PDE6A: variants seen among roughly 807,000 people sequenced by gnomAD.
PDE6A encodes the protein phosphodiesterase 6A.
Under a neutral mutation model 106.3 loss-of-function variants are expected in PDE6A, and 84 were observed. The observed-to-expected ratio is 0.79, with a 90% CI of 0.66 to 0.95. The LOEUF (loss-of-function observed/expected upper bound fraction) is 0.95. Ranked by LOEUF, PDE6A falls within the 40% of genes least tolerant of loss-of-function variation. The pLI, the probability that PDE6A is intolerant of heterozygous loss-of-function variation, is 0.00. For missense variants in PDE6A, 1,052 were observed against 1,084.9 expected (o/e 0.97, Z 0.43); for synonymous variants, 394 against 386.6 (o/e 1.02, Z -0.23).
intron 4 of PDE6A, among the ~76,000 whole-genome samples, chr5:149,928,233 T>A (rs796243178): frequency 0.014 from 133 of 9,564 alleles, no homozygotes; most frequent in East Asian, 0.029. Flanking sequence ...ATATATATAT[T>A]TTTTTTTTTT....
chr5:149,899,834 G>C (rs1752901752), intron 8 of PDE6A, among the ~76,000 whole-genome samples: 1 of 152,222 alleles, frequency 6.6e-6, no homozygotes, highest in African/African-American at 2.4e-5. Flanking sequence ...TTCTCTTTCA[G>C]ATATGGGAGG....
intron 12 of PDE6A, 82 bp downstream of exon 12, chr5:149,896,274 G>C (rs1017442929): frequency 2.0e-5 from 24 of 1,171,668 alleles, no homozygotes; most frequent in Non-Finnish European, 2.9e-5. Flanking sequence ...TTTTAAGGTA[G>C]TTTACAGATT....
chr5:149,930,418 G>A (rs1753998323), intron 4 of PDE6A, among the ~76,000 whole-genome samples: 1 of 152,204 alleles, frequency 6.6e-6, no homozygotes, highest in African/African-American at 2.4e-5. Context: ...CTGAAACTCT[G>A]TTTCAAGGCA....
intron 13 of PDE6A, among the ~76,000 whole-genome samples, chr5:149,891,802 C>CA (rs1273407176): frequency 5.0e-4 from 68 of 136,778 alleles, no homozygotes; most frequent in Middle Eastern, 7.3e-3. Flanking sequence ...GACCCTATCT[C>CA]AAAAAAAAAA....
chr5:149,876,509 A>G (rs1437449124), intron 17 of PDE6A, among the ~76,000 whole-genome samples: 3 of 151,774 alleles, frequency 2.0e-5, no homozygotes, highest in Non-Finnish European at 4.4e-5. Context: ...TACCTGGATA[A>G]TTTAAATTTT....
chr5:149,944,419 C>T lies in PDE6A; in HGVS notation c.255G>A (p.Leu85=), dbSNP rs769815910. 6 of 1,613,998 alleles carry T rather than the reference C, an allele frequency of 3.7e-6. No homozygotes were observed. Among genetic ancestry groups the T allele is most frequent in the African/African-American group, 2.7e-5 (2 of 74,896 alleles). The change falls in exon 1 of 22, where the codon CTG becomes CTA. Residue 85 remains leucine (L), a synonymous_variant. Coordinates refer to ENST00000255266, the MANE Select transcript of PDE6A (RefSeq NM_000440.3). The stretch of plus-strand genomic sequence containing the variant: ...TGCGGTCTGCCTGCAGGAGGAAGCA[C>T]AGCTTCTTCATGACATTGAAGATGC... ...EKCIFNVMKK[L]CFLLQADRMS...
At chr5:149,896,840 C>A (rs1403795524) in intron 10 of PDE6A, 64 bp from the exon 11 acceptor site, 14 of 1,545,534 alleles carry the variant, frequency 9.1e-6, no homozygotes, top group Middle Eastern at 1.7e-4. Flanking sequence ...CGTTTCCATT[C>A]CCATTTATCT....
At chr5:149,872,133 G>T (rs1347222229) in intron 17 of PDE6A, among the ~76,000 whole-genome samples, 2 of 152,144 alleles carry the variant, frequency 1.3e-5, no homozygotes, top group African/African-American at 4.8e-5. Flanking sequence ...TTCCATGCAG[G>T]GCTTTGGAAT....
In PDE6A at chr5:149,871,670, G is replaced by A. The variant is rs563900946; in HGVS notation, c.2136-3512C>T. ...GAGGAGCAGGGGCGGCCCATGCAGA[G>A]CCCAGGCGCCGCTGCGAGGGGATGG... On this transcript the variant is annotated intron_variant, in intron 17 of 21. Coordinates refer to ENST00000255266, the MANE Select transcript of PDE6A (RefSeq NM_000440.3). Among the ~76,000 whole-genome samples the A allele has an allele frequency of 3.3e-5, 5 of 152,266 alleles. No individual in the cohort carries two copies. In the South Asian group the frequency reaches 1.0e-3, roughly 32 times the overall value.
chr5:149,894,758 G>A (rs1259048620), intron 13 of PDE6A, among the ~76,000 whole-genome samples: 1 of 150,096 alleles, frequency 6.7e-6, no homozygotes, highest in Non-Finnish European at 1.5e-5. Flanking sequence ...AGCCTCCCAA[G>A]TAGCTGGGAT....
At position 149,915,032 on chromosome 5, in the gene PDE6A, CTTTTT is replaced by C. The variant is rs60750624; in HGVS notation, c.934-30_934-26del. On this transcript the variant is annotated intron_variant, in intron 5 of 21. Coordinates refer to ENST00000255266, the MANE Select transcript of PDE6A (RefSeq NM_000440.3). ...CCTGGCAAAAGAGAGAAAAATTATA[CTTTTT>C]TTTTTTTTTTTTTTTTTGAGACAGT... 5.0e-3 allele frequency: 3,931 copies of C among 790,358 alleles called. 3 individuals carry two copies. The highest frequency in any genetic ancestry group is 8.7e-3 in the African/African-American group (377 of 43,116). The allele number at this position is 790,358 out of a possible 1,614,324, so 49.0% of individuals were successfully genotyped here.
At chr5:149,911,577 C>G (rs1753388325) in intron 6 of PDE6A, among the ~76,000 whole-genome samples, 1 of 152,186 alleles carries the variant, frequency 6.6e-6, no homozygotes, top group African/African-American at 2.4e-5. Flanking sequence ...AACGATCACA[C>G]AATTCTATTT....
At chr5:149,900,375 GTA>G (rs55680278) in intron 8 of PDE6A, among the ~76,000 whole-genome samples, 1,450 of 82,654 alleles carry the variant, frequency 0.018, 63 homozygotes, top group African/African-American at 0.053. Context: ...AAATATATAT[GTA>G]TATATATATA....
At chr5:149,878,599 C>T (rs1335408339) in intron 17 of PDE6A, among the ~76,000 whole-genome samples, 1 of 152,158 alleles carries the variant, frequency 6.6e-6, no homozygotes, top group Admixed American at 6.5e-5. Flanking sequence ...GCCAAATCGC[C>T]CTCTGCAAAG....
At chr5:149,911,054 A>AT (rs1753368764) in intron 6 of PDE6A, among the ~76,000 whole-genome samples, 1 of 150,950 alleles carries the variant, frequency 6.6e-6, no homozygotes, top group East Asian at 2.0e-4. Flanking sequence ...TAATTTTTGT[A>AT]TTTTTTTGTG....
chr5:149,933,952 T>A lies in PDE6A; in HGVS notation c.695A>T (p.Asn232Ile), dbSNP rs1754116316. ...MKVYHLSYLH[N>I]CETRRGQILL... ...TACCTGGCCACGTCGAGTTTCACAG[T>A]TGTGCAGGTAACTCAGGTGGTACAC... Residue 232 changes from asparagine (N) to isoleucine (I), a missense_variant, in exon 3 of 22, where the codon AAC becomes ATC. Asn to Ile is a moderately radical substitution (Grantham distance 149). This residue lies in a region of PDE6A where 913 missense variants were observed against 915.2 expected (regional missense o/e 1.00). Transcript: ENST00000255266. 1 of 1,613,588 alleles carries A rather than the reference T, an allele frequency of 6.2e-7. No homozygotes were observed. Among genetic ancestry groups the A allele is most frequent in the Admixed American group, 1.7e-5 (1 of 59,996 alleles).
At chr5:149,916,397 C>G (rs1264248464) in intron 5 of PDE6A, among the ~76,000 whole-genome samples, 1 of 152,196 alleles carries the variant, frequency 6.6e-6, no homozygotes, top group Admixed American at 6.5e-5. Flanking sequence ...AACCAGCCAT[C>G]CTCCCTGCAG....
chr5:149,922,208 G>A (rs1185140544), intron 4 of PDE6A, among the ~76,000 whole-genome samples: 1 of 152,052 alleles, frequency 6.6e-6, no homozygotes, highest in South Asian at 2.1e-4. Flanking sequence ...ACACTGATAA[G>A]TGACAAATGT....
At chr5:149,877,556 C>T (rs1379495555) in intron 17 of PDE6A, among the ~76,000 whole-genome samples, 2 of 152,174 alleles carry the variant, frequency 1.3e-5, no homozygotes, top group East Asian at 1.9e-4. Flanking sequence ...ATTACAGGCA[C>T]GCACCACAAT....
Sources: allele counts gnomAD v4.1 joint callset (sites outside exome capture counted in the v4.1 genomes callset), GRCh38; gene constraint gnomAD v4.1.1; regional missense constraint gnomAD v4.1.1; transcripts MANE v1.5; gene names NCBI Gene and HGNC (gene_info 2026-07-23, HGNC 2026-07-21).